The following LRRFIP2 variants were observed in gnomAD, a reference collection of about 807,000 sequenced individuals.
The protein encoded by LRRFIP2 is LRR binding FLII interacting protein 2.
A neutral mutation model predicts 125.9 loss-of-function variants in LRRFIP2; 109 were observed. The observed-to-expected ratio is 0.87, with a 90% CI of 0.74 to 1.01. The LOEUF (loss-of-function observed/expected upper bound fraction) is 1.01, where lower values mean the gene tolerates loss of function less well. Among genes scored for constraint, LRRFIP2 ranks in the 50% least tolerant of loss-of-function variants. LRRFIP2 has a pLI of 0.00. For missense variants in LRRFIP2, 850 were observed against 862.3 expected (o/e 0.99, Z 0.18); for synonymous variants, 291 against 293.1 (o/e 0.99, Z 0.07).
intron 8 of LRRFIP2, 50 bp downstream of exon 8, chr3:37,112,865 G>T (rs1041215143): frequency 9.5e-7 from 1 of 1,056,466 alleles, no homozygotes; most frequent in African/African-American, 1.6e-5. Context: ...TAATCCTTAA[G>T]TTCCTAACAG....
chr3:37,056,414 C>T (rs6763751), intron 25 of LRRFIP2, among the ~76,000 whole-genome samples: 4 of 151,732 alleles, frequency 2.6e-5, no homozygotes, highest in Admixed American at 2.0e-4. Flanking sequence ...TCCACATGAC[C>T]AAGGTTACAA....
At chr3:37,057,268 A>G (rs2087149314) in intron 25 of LRRFIP2, among the ~76,000 whole-genome samples, 4 of 152,162 alleles carry the variant, frequency 2.6e-5, no homozygotes, top group African/African-American at 7.2e-5. Context: ...CTTAAGGACA[A>G]TCTCTCAGAT....
intron 23 of LRRFIP2, chr3:37,065,282 A>C (rs2148772179): frequency 4.7e-6 from 1 of 213,652 alleles, no homozygotes; most frequent in African/African-American, 2.3e-5. Flanking sequence ...CAAAGGGTTA[A>C]ATTTAAGAGG....
chr3:37,092,412 G>T (rs2093496154), intron 17 of LRRFIP2, among the ~76,000 whole-genome samples: 1 of 152,076 alleles, frequency 6.6e-6, no homozygotes, highest in Non-Finnish European at 1.5e-5. Flanking sequence ...AGGTTTGACT[G>T]TCTTTTACTT....
At chr3:37,167,209 A>G (rs1176809502) in intron 1 of LRRFIP2, among the ~76,000 whole-genome samples, 10 of 151,348 alleles carry the variant, frequency 6.6e-5, no homozygotes, top group African/African-American at 2.4e-4. Context: ...AAAAAAAAAA[A>G]AAAAGAAAGA....
intron 1 of LRRFIP2, among the ~76,000 whole-genome samples, chr3:37,159,464 G>C (rs1255643107): frequency 6.6e-6 from 1 of 152,014 alleles, no homozygotes; most frequent in Admixed American, 6.6e-5. Context: ...TGGCTATTCT[G>C]GGCCCTTTAC....
intron 7 of LRRFIP2, among the ~76,000 whole-genome samples, chr3:37,114,418 A>G (rs2094683604): frequency 6.6e-6 from 1 of 152,168 alleles, no homozygotes. Flanking sequence ...CAACATGAAG[A>G]CAAGTTTCTA....
chr3:37,081,286 G>A (rs1004433782), intron 19 of LRRFIP2, among the ~76,000 whole-genome samples: 2 of 152,022 alleles, frequency 1.3e-5, no homozygotes, highest in African/African-American at 4.8e-5. Flanking sequence ...AAACAAAATA[G>A]TTATTGTAAT....
At chr3:37,105,171 T>C (rs1274680672) in intron 14 of LRRFIP2, among the ~76,000 whole-genome samples, 1 of 152,194 alleles carries the variant, frequency 6.6e-6, no homozygotes, top group African/African-American at 2.4e-5. Context: ...TGCACACACA[T>C]GTATGTGCAT....
At position 37,102,425 on chromosome 3, in the gene LRRFIP2, T is replaced by TA. The variant is rs752243847; in HGVS notation, c.873+498dup. On this transcript the variant is annotated intron_variant, in intron 15 of 27. Coordinates refer to ENST00000336686, the MANE Select transcript of LRRFIP2 (RefSeq NM_006309.4). ...CACAGAGGGGGAAAAAGTTTTTTTT[T>TA]AAAAAAGAACATATTAATAAATACA... Among the ~76,000 whole-genome samples, 25 of 151,550 alleles carry TA rather than the reference T, an allele frequency of 1.6e-4. No homozygotes were observed. The East Asian group carries it at 2.1e-3, about 13-fold the overall frequency.
chr3:37,084,412 C>T (rs1411702526), intron 18 of LRRFIP2, among the ~76,000 whole-genome samples: 1 of 152,044 alleles, frequency 6.6e-6, no homozygotes, highest in Admixed American at 6.5e-5. Flanking sequence ...TCTGTAATCC[C>T]AGCACTTTGG....
intron 15 of LRRFIP2, among the ~76,000 whole-genome samples, chr3:37,097,086 A>G (rs558631811): frequency 6.6e-6 from 1 of 152,226 alleles, no homozygotes; most frequent in South Asian, 2.1e-4. Flanking sequence ...AAAGACTAGT[A>G]CACTCAGCCA....
chr3:37,063,401 G>C (rs918296290), intron 24 of LRRFIP2, among the ~76,000 whole-genome samples: 5 of 152,192 alleles, frequency 3.3e-5, no homozygotes, highest in Admixed American at 2.6e-4. Context: ...TGCAACATAA[G>C]TATGTTATAC....
intron 21 of LRRFIP2, 73 bp downstream of exon 21, chr3:37,072,717 T>C (rs2091442213): frequency 1.0e-5 from 9 of 891,124 alleles, no homozygotes; most frequent in Non-Finnish European, 1.6e-5. Flanking sequence ...ACAGGTTTTT[T>C]CAATCTCTAG....
At chr3:37,160,532 C>A (rs1035156799) in intron 1 of LRRFIP2, among the ~76,000 whole-genome samples, 1 of 152,096 alleles carries the variant, frequency 6.6e-6, no homozygotes, top group Admixed American at 6.5e-5. Flanking sequence ...GTAATCCCAA[C>A]ACTTTGGGAG....
At chr3:37,142,472 T>G (rs1473234472) in intron 2 of LRRFIP2, among the ~76,000 whole-genome samples, 1 of 152,056 alleles carries the variant, frequency 6.6e-6, no homozygotes, top group Non-Finnish European at 1.5e-5. Flanking sequence ...CCCTATACAA[T>G]GAAAATACAA....
chr3:37,059,799 AT>A (rs1002994907), intron 24 of LRRFIP2, among the ~76,000 whole-genome samples: 1 of 151,060 alleles, frequency 6.6e-6, no homozygotes, highest in Non-Finnish European at 1.5e-5. Context: ...AAAAAAAAAA[AT>A]AATAATAATA....
At chr3:37,165,357 C>G (rs1412904114) in intron 1 of LRRFIP2, among the ~76,000 whole-genome samples, 1 of 145,728 alleles carries the variant, frequency 6.9e-6, no homozygotes. Flanking sequence ...ATCCCGAAAC[C>G]AACCCCCCCA....
intron 8 of LRRFIP2, among the ~76,000 whole-genome samples, chr3:37,112,491 A>G (rs1403060061): frequency 6.6e-6 from 1 of 152,206 alleles, no homozygotes; most frequent in Non-Finnish European, 1.5e-5. Flanking sequence ...TTGCCATTAC[A>G]TATTTATTGA....
Sources: gnomAD v4.1 joint callset for allele counts (sites outside exome capture counted in the v4.1 genomes callset) on GRCh38, gnomAD v4.1.1 for gene constraint, MANE v1.5 for transcripts, NCBI Gene and HGNC (gene_info 2026-07-23, HGNC 2026-07-21) for gene names.